Variants in MIPOL1 observed in about 807,000 individuals in gnomAD.
MIPOL1 encodes mirror-image polydactyly 1, also known as mirror-image polydactyly gene 1 protein.
Under a neutral mutation model 60.9 loss-of-function variants are expected in MIPOL1, and 57 were observed. That is an observed-to-expected ratio of 0.94 (90% CI 0.76 to 1.17). MIPOL1 has a LOEUF of 1.17. Ranked by LOEUF, MIPOL1 falls within the 50% of genes most tolerant of loss-of-function variation. The pLI is 0.00. For synonymous variants in MIPOL1, 179 were observed against 168.8 expected, an observed-to-expected ratio of 1.06 and a Z score of -0.47; for missense variants, 551 against 511.6, an observed-to-expected ratio of 1.08 and a Z score of -0.74.
At chr14:37,460,977 A>G (rs914438930) in intron 11 of MIPOL1, among the ~76,000 whole-genome samples, 4 of 152,212 alleles carry the variant, frequency 2.6e-5, no homozygotes, top group African/African-American at 9.6e-5. Context: ...TACCAGCATC[A>G]TATTTCACAG....
intron 10 of MIPOL1, among the ~76,000 whole-genome samples, chr14:37,413,996 A>G (rs1055966487): frequency 6.6e-6 from 1 of 152,190 alleles, no homozygotes; most frequent in Admixed American, 6.6e-5. Context: ...GCTTTACATC[A>G]GTTTACCTAG....
At chr14:37,247,023 C>T (rs1458194931) in intron 1 of MIPOL1, 80 bp from the exon 2 acceptor site, 1 of 152,308 alleles carries the variant, frequency 6.6e-6, no homozygotes, top group East Asian at 1.9e-4. Context: ...TATTATTAAC[C>T]TTTTTGGGCA....
chr14:37,308,985 A>G (rs2087039566), intron 9 of MIPOL1, among the ~76,000 whole-genome samples: 1 of 152,052 alleles, frequency 6.6e-6, no homozygotes, highest in South Asian at 2.1e-4. Flanking sequence ...TTCCTGCTCT[A>G]CCTGAAACCT....
chr14:37,228,325 C>CTTTTTTT (rs397961053), intron 1 of MIPOL1, among the ~76,000 whole-genome samples: 11 of 105,172 alleles, frequency 1.0e-4, no homozygotes, highest in East Asian at 2.7e-4. Context: ...TCTTTCTTTT[C>CTTTTTTT]TTTTTTTTTT....
rs1423394625 is a variant in MIPOL1, at chr14:37,368,170, A to C, written c.829-1347A>C. Among the ~76,000 whole-genome samples the C allele has an allele frequency of 2.0e-5, 3 of 152,084 alleles. No individual in the cohort carries two copies. The South Asian group carries it at 6.2e-4, about 31-fold the overall frequency. On this transcript the variant is annotated intron_variant, in intron 9 of 12. Coordinates refer to ENST00000684589, the MANE Select transcript of MIPOL1 (RefSeq NM_001388067.1). The stretch of plus-strand genomic sequence containing the variant: ...CAAAACTATCTGCTAAATTAAATTA[A>C]TGTTGATTAAAAATGCCTTGATATT...
At chr14:37,435,481 A>G (rs969147343) in intron 11 of MIPOL1, among the ~76,000 whole-genome samples, 1 of 151,976 alleles carries the variant, frequency 6.6e-6, no homozygotes, top group Non-Finnish European at 1.5e-5. Flanking sequence ...TGCTTACATG[A>G]CACTATACTG....
chr14:37,522,369 T>G (rs2153631747), intron 12 of MIPOL1, among the ~76,000 whole-genome samples: 1 of 152,328 alleles, frequency 6.6e-6, no homozygotes, highest in African/African-American at 2.4e-5. Context: ...AGTAAATATT[T>G]TTCCCATCGT....
intron 12 of MIPOL1, among the ~76,000 whole-genome samples, chr14:37,530,941 C>T (rs999332455): frequency 1.3e-5 from 2 of 151,502 alleles, no homozygotes; most frequent in Non-Finnish European, 3.0e-5. Flanking sequence ...CCTCAGCCCC[C>T]CGAGTAGCTG....
chr14:37,498,655 TAC>T (rs1231662233), intron 11 of MIPOL1, among the ~76,000 whole-genome samples: 1 of 152,144 alleles, frequency 6.6e-6, no homozygotes, highest in African/African-American at 2.4e-5. Context: ...AATGTGGCAC[TAC>T]ACACTATTCT....
intron 12 of MIPOL1, among the ~76,000 whole-genome samples, chr14:37,539,058 C>T (rs934051670): frequency 6.6e-6 from 1 of 151,888 alleles, no homozygotes; most frequent in Non-Finnish European, 1.5e-5. Context: ...AAAAATTAGC[C>T]GGGTGTGGTG....
chr14:37,317,414 C>T (rs7143412), intron 9 of MIPOL1, among the ~76,000 whole-genome samples: 143,581 of 152,256 alleles, frequency 0.94, 68,081 homozygotes, highest in East Asian at 1. Flanking sequence ...GTGTGATTTC[C>T]TTTAGCAGTA....
At chr14:37,494,332 T>C (rs1594709984) in intron 11 of MIPOL1, among the ~76,000 whole-genome samples, 1 of 152,290 alleles carries the variant, frequency 6.6e-6, no homozygotes, top group Non-Finnish European at 1.5e-5. Flanking sequence ...GTAGGATCTA[T>C]GAGACAGACT....
chr14:37,440,428 C>A (rs1389857392), intron 11 of MIPOL1, among the ~76,000 whole-genome samples: 1 of 151,730 alleles, frequency 6.6e-6, no homozygotes, highest in Non-Finnish European at 1.5e-5. Flanking sequence ...CCCCTTTGTA[C>A]CCCCTCACCT....
intron 9 of MIPOL1, among the ~76,000 whole-genome samples, chr14:37,347,676 A>G (rs925874070): frequency 6.6e-6 from 1 of 152,212 alleles, no homozygotes; most frequent in African/African-American, 2.4e-5. Flanking sequence ...GGAAGACGTT[A>G]AAGCAACCAT....
At chr14:37,279,586 A>G (rs2083935231) in intron 6 of MIPOL1, among the ~76,000 whole-genome samples, 1 of 152,102 alleles carries the variant, frequency 6.6e-6, no homozygotes, top group South Asian at 2.1e-4. Flanking sequence ...ATCATGCAGT[A>G]AATACCTTAA....
chr14:37,546,352 A>G (rs978139727), intron 12 of MIPOL1, among the ~76,000 whole-genome samples: 1 of 152,142 alleles, frequency 6.6e-6, no homozygotes, highest in Non-Finnish European at 1.5e-5. Context: ...TTTTTAAATT[A>G]TTTCCATGCT....
At chr14:37,389,719 A>G (rs1436493084) in intron 10 of MIPOL1, among the ~76,000 whole-genome samples, 1 of 150,016 alleles carries the variant, frequency 6.7e-6, no homozygotes, top group African/African-American at 2.5e-5. Context: ...TGAAAATTCT[A>G]GCTTTTTACT....
intron 1 of MIPOL1, among the ~76,000 whole-genome samples, chr14:37,234,947 T>A (rs1016779443): frequency 2.0e-5 from 3 of 146,964 alleles, no homozygotes; most frequent in Non-Finnish European, 3.0e-5. Flanking sequence ...GGCTAATTTT[T>A]TTTTTTTTTT....
chr14:37,541,922 C>G (rs2095531292), intron 12 of MIPOL1, among the ~76,000 whole-genome samples: 1 of 152,186 alleles, frequency 6.6e-6, no homozygotes, highest in Non-Finnish European at 1.5e-5. Flanking sequence ...ACTCCTTTCC[C>G]ATAGTCTATC....
Sources: allele counts gnomAD v4.1 joint callset (sites outside exome capture counted in the v4.1 genomes callset), GRCh38; gene constraint gnomAD v4.1.1; transcripts MANE v1.5; gene names NCBI Gene and HGNC (gene_info 2026-07-23, HGNC 2026-07-21).